The following PICALM variants were observed in gnomAD, a reference collection of about 807,000 sequenced individuals.
PICALM encodes the protein phosphatidylinositol binding clathrin assembly protein.
Under a neutral mutation model 80.5 loss-of-function variants are expected in PICALM, and 40 were observed. The observed-to-expected ratio is 0.50, with a 90% confidence interval of 0.39 to 0.65. PICALM has a LOEUF of 0.65. Among genes scored for constraint, PICALM ranks in the 30% least tolerant of loss-of-function variants. The pLI is 0.00. For synonymous variants in PICALM, 288 were observed against 260.3 expected, an observed-to-expected ratio of 1.11 and a Z score of -1.02; for missense variants, 676 against 778.9, an observed-to-expected ratio of 0.87 and a Z score of 1.57.
chr11:86,033,260 A>G (rs1017810922), intron 1 of PICALM, among the ~76,000 whole-genome samples: 4 of 123,598 alleles, frequency 3.2e-5, no homozygotes, highest in Non-Finnish European at 6.9e-5. Context: ...TATATAGTGC[A>G]TGGTGCATGG....
intron 19 of PICALM, among the ~76,000 whole-genome samples, chr11:85,961,384 C>G (rs2093683546): frequency 6.6e-6 from 1 of 152,226 alleles, no homozygotes; most frequent in African/African-American, 2.4e-5. Flanking sequence ...CCTACTGTAA[C>G]TGTCCACATA....
intron 1 of PICALM, among the ~76,000 whole-genome samples, chr11:86,061,589 T>G (rs1034145883): frequency 6.6e-6 from 1 of 152,152 alleles, no homozygotes; most frequent in Non-Finnish European, 1.5e-5. Context: ...CAAAACCCAT[T>G]AACAGTGACA....
At chr11:85,999,551 T>C (rs1369104774) in intron 11 of PICALM, among the ~76,000 whole-genome samples, 3 of 152,092 alleles carry the variant, frequency 2.0e-5, no homozygotes, top group Non-Finnish European at 4.4e-5. Flanking sequence ...GTAGCATACA[T>C]GAGCAAACAA....
chr11:85,976,736 T>G, intron 17 of PICALM, 54 bp from the exon 18 acceptor site: 2 of 1,046,350 alleles, frequency 1.9e-6, no homozygotes, highest in African/African-American at 1.6e-5. Context: ...GTGTGTCAAC[T>G]GAGTTCAAGG....
At chr11:86,002,480 T>C (rs2095170254) in intron 9 of PICALM, among the ~76,000 whole-genome samples, 1 of 152,214 alleles carries the variant, frequency 6.6e-6, no homozygotes, top group Non-Finnish European at 1.5e-5. Context: ...GTTACCAGAC[T>C]GATATGAAAT....
intron 19 of PICALM, among the ~76,000 whole-genome samples, chr11:85,961,361 A>T (rs1055786414): frequency 9.2e-5 from 14 of 152,324 alleles, no homozygotes; most frequent in African/African-American, 2.9e-4. Flanking sequence ...GGTGAAAGGG[A>T]CCTTAGAGGT....
At position 85,965,819 on chromosome 11, in the gene PICALM, T is replaced by G. The variant is rs56976669; in HGVS notation, c.1945-6759A>C. On this transcript the variant is annotated intron_variant, in intron 19 of 19. Transcript: ENST00000393346. ...CATTACCCATTTTGTTTTTTTGTTTTTTTTTTTTTTTTTTTTTTTGAGACA... is the reference window on the plus strand; with the variant it reads ...CATTACCCATTTTGTTTTTTTGTTTGTTTTTTTTTTTTTTTTTTTGAGACA... 3.7e-3 allele frequency among the ~76,000 whole-genome samples: 378 copies of G among 102,656 alleles called. 2 individuals are homozygous for G. The highest frequency in any genetic ancestry group is 0.014 in the East Asian group (48 of 3,506). The allele number at this position is 102,656 out of a possible 152,430, so 67.3% of individuals were successfully genotyped here.
At chr11:85,991,141 A>T (rs184801943) in intron 12 of PICALM, among the ~76,000 whole-genome samples, 109 of 152,334 alleles carry the variant, frequency 7.2e-4, no homozygotes, top group African/African-American at 2.6e-3. Context: ...TTATACTGAT[A>T]CCTTATTCAA....
At chr11:85,962,247 G>T (rs17817576) in intron 19 of PICALM, among the ~76,000 whole-genome samples, 1 of 152,114 alleles carries the variant, frequency 6.6e-6, no homozygotes, top group African/African-American at 2.4e-5. Context: ...AAAGCACAAC[G>T]ATTTCAAGTA....
intron 2 of PICALM, 91 bp from the exon 3 acceptor site, chr11:86,026,458 C>G: frequency 1.4e-6 from 1 of 719,858 alleles, no homozygotes. Context: ...TTAACACATT[C>G]TATTAAGCTT....
At chr11:86,009,373 A>G (rs1439554775) in intron 7 of PICALM, among the ~76,000 whole-genome samples, 1 of 149,624 alleles carries the variant, frequency 6.7e-6, no homozygotes, top group Admixed American at 6.7e-5. Context: ...TTAACAGCAG[A>G]TCTGGAGTAC....
chr11:86,004,177 C>T (rs2095224642), intron 8 of PICALM, among the ~76,000 whole-genome samples: 1 of 151,850 alleles, frequency 6.6e-6, no homozygotes, highest in East Asian at 1.9e-4. Context: ...GCAAATAATC[C>T]AAAACTCCAT....
At chr11:86,016,794 T>C (rs1296942566) in intron 4 of PICALM, among the ~76,000 whole-genome samples, 2 of 152,212 alleles carry the variant, frequency 1.3e-5, no homozygotes, top group Non-Finnish European at 2.9e-5. Flanking sequence ...AATCCTCTTC[T>C]CTTTCCTTGT....
intron 19 of PICALM, among the ~76,000 whole-genome samples, chr11:85,959,494 G>A (rs975323202): frequency 1.3e-5 from 2 of 151,768 alleles, no homozygotes; most frequent in Admixed American, 1.3e-4. Flanking sequence ...TTAGCCAGGC[G>A]TGGTGGCGGG....
chr11:85,989,025 C>G (rs1030048487), intron 13 of PICALM, among the ~76,000 whole-genome samples: 2 of 152,160 alleles, frequency 1.3e-5, no homozygotes, highest in East Asian at 3.9e-4. Flanking sequence ...CCTTTATGTA[C>G]AATTCAGTGT....
At position 85,962,153 on chromosome 11, in the gene PICALM, C is replaced by T. The variant is rs562925317; in HGVS notation, c.1945-3093G>A. On this transcript the variant is annotated intron_variant, in intron 19 of 19. Transcript: ENST00000393346. ...TGCCTGGGCTTGAGGTTTCAAATATCATCCATGCAGAGACAAATTAAGGTA... is the reference window on the plus strand; with the variant it reads ...TGCCTGGGCTTGAGGTTTCAAATATTATCCATGCAGAGACAAATTAAGGTA... 1.1e-4 allele frequency among the ~76,000 whole-genome samples: 17 copies of T among 152,238 alleles called. 1 individual carries two copies. The East Asian group carries it at 3.3e-3, about 29-fold the overall frequency.
At chr11:86,022,742 C>G (rs1218246796) in intron 3 of PICALM, among the ~76,000 whole-genome samples, 1 of 151,454 alleles carries the variant, frequency 6.6e-6, no homozygotes, top group Non-Finnish European at 1.5e-5. Context: ...CTCAATATTC[C>G]TATTCTTTAT....
rs978878497 is a variant in PICALM at position 86,049,220 on chromosome 11, G to A, written c.131-17609C>T. Among the ~76,000 whole-genome samples the A allele has an allele frequency of 5.3e-4, 80 of 152,138 alleles. 2 individuals are homozygous for A. The highest frequency in any genetic ancestry group is 1.5e-3 in the Admixed American group (23 of 15,276). Reference sequence around the variant, plus strand: ...GAGGCATGAGAATCACTGGAACCCAGTGCAGTGAGCTGAGATTGTGCCACT... The same window carrying A: ...GAGGCATGAGAATCACTGGAACCCAATGCAGTGAGCTGAGATTGTGCCACT... On this transcript the variant is annotated intron_variant, in intron 1 of 19. Transcript: ENST00000393346.
At chr11:85,997,099 G>A (rs1403194104) in intron 11 of PICALM, among the ~76,000 whole-genome samples, 170 bp from the exon 12 acceptor site, 2 of 152,120 alleles carry the variant, frequency 1.3e-5, no homozygotes, top group African/African-American at 4.8e-5. Flanking sequence ...TATTTCTAAG[G>A]AGGCTTGGAA....
Sources: gnomAD v4.1 joint callset for allele counts (sites outside exome capture counted in the v4.1 genomes callset) on GRCh38, gnomAD v4.1.1 for gene constraint, MANE v1.5 for transcripts, NCBI Gene and HGNC (gene_info 2026-07-23, HGNC 2026-07-21) for gene names.